The following DPYSL2 variants were observed in gnomAD, a reference collection of about 807,000 sequenced individuals.
DPYSL2 encodes dihydropyrimidinase like 2.
Under a neutral mutation model 69.9 loss-of-function variants are expected in DPYSL2, and 13 were observed. The observed-to-expected ratio is 0.19, with a 90% confidence interval of 0.12 to 0.30. The LOEUF is 0.30. Among genes scored for constraint, DPYSL2 ranks in the 10% least tolerant of loss-of-function variants. DPYSL2 has a pLI of 1.00. For synonymous variants in DPYSL2, 326 were observed against 359.1 expected, an observed-to-expected ratio of 0.91 and a Z score of 1.04; for missense variants, 587 against 918.9, an observed-to-expected ratio of 0.64 and a Z score of 4.67.
intron 1 of DPYSL2, among the ~76,000 whole-genome samples, chr8:26,549,704 G>A (rs1800841483): frequency 6.6e-6 from 1 of 152,154 alleles, no homozygotes; most frequent in Non-Finnish European, 1.5e-5. Flanking sequence ...AGAGGAGCAA[G>A]GATAGTGTTA....
chr8:26,606,686 A>G (rs1380353974), intron 3 of DPYSL2, among the ~76,000 whole-genome samples: 2 of 152,230 alleles, frequency 1.3e-5, no homozygotes. Context: ...TCACTGAGCT[A>G]AGTTTTTATC....
intron 7 of DPYSL2, among the ~76,000 whole-genome samples, chr8:26,633,529 G>A (rs12546828): frequency 0.48 from 73,404 of 151,816 alleles, 19,393 homozygotes; most frequent in East Asian, 0.68. Flanking sequence ...GTGCAGTGGC[G>A]CCATCTCAGC....
Position 26,655,683 on chromosome 8 carries a change from G to A in DPYSL2, c.2011G>A (p.Ala671Thr), listed in dbSNP as rs1803369906. 2 of 1,608,110 alleles carry A rather than the reference G, an allele frequency of 1.2e-6. No individual in the cohort carries two copies. Among genetic ancestry groups the A allele is most frequent in the Admixed American group, 1.7e-5 (1 of 59,968 alleles). The change falls in exon 14 of 14, where the codon GCC becomes ACC. Residue 671 changes from alanine (A) to threonine (T), a missense_variant. Transcript: ENST00000521913. ...QRIVAPPGGR[A>T]NITSLG ...TATCGTGGCGCCCCCCGGTGGCCGT[G>A]CCAACATCACCAGCCTGGGCTAGAG...
chr8:26,558,811 T>C (rs1386500036), intron 1 of DPYSL2, among the ~76,000 whole-genome samples: 1 of 152,230 alleles, frequency 6.6e-6, no homozygotes, highest in Non-Finnish European at 1.5e-5. Context: ...TCCTAATGTA[T>C]AAACTCTGTT....
intron 1 of DPYSL2, among the ~76,000 whole-genome samples, chr8:26,556,161 TATATAC>T (rs1436028772): frequency 2.4e-3 from 5 of 2,100 alleles, no homozygotes; most frequent in Non-Finnish European, 5.3e-3. Flanking sequence ...CTATATATAG[TATATAC>T]TATATATAGT....
chr8:26,584,613 CTTTTTTTT>C (rs35587383), intron 3 of DPYSL2, among the ~76,000 whole-genome samples: 1 of 100,138 alleles, frequency 1.0e-5, no homozygotes, highest in Admixed American at 1.1e-4. Flanking sequence ...GGGCTTTGTG[CTTTTTTTT>C]TTTTTTTTTT....
chr8:26,527,554 T>G (rs1285032715), intron 1 of DPYSL2, among the ~76,000 whole-genome samples: 1 of 152,200 alleles, frequency 6.6e-6, no homozygotes, highest in Non-Finnish European at 1.5e-5. Context: ...CCTTGTCCAA[T>G]TCTTATTTTC....
At chr8:26,567,511 T>C (rs1173486222) in intron 1 of DPYSL2, among the ~76,000 whole-genome samples, 1 of 152,260 alleles carries the variant, frequency 6.6e-6, no homozygotes, top group African/African-American at 2.4e-5. Context: ...ATAGTCTCTG[T>C]CTTCAAGATG....
In DPYSL2 at chr8:26,525,629, A is replaced by G. The variant is rs140893826; in HGVS notation, c.354+10950A>G. Among the ~76,000 whole-genome samples, 496 of 152,340 alleles carry G rather than the reference A, an allele frequency of 3.3e-3. 6 individuals are homozygous for G. Among genetic ancestry groups the G allele is most frequent in the South Asian group, 0.019 (91 of 4,826 alleles). ...GTAGACAGTTTTTCCAATGGCATTT[A>G]TTGAACAATTGATGTTTTTACCACT... On this transcript the variant is annotated intron_variant, in intron 1 of 13. Coordinates refer to ENST00000521913, the MANE Select transcript of DPYSL2 (RefSeq NM_001197293.3).
rs947933667 is a variant in DPYSL2 at position 26,609,703 on chromosome 8, G to A, written c.629-14440G>A. On this transcript the variant is annotated intron_variant, in intron 3 of 13. Coordinates refer to ENST00000521913, the MANE Select transcript of DPYSL2 (RefSeq NM_001197293.3). The surrounding 1 kb of genome is among the most constrained non-coding windows in gnomAD (Gnocchi z 6.5). ...TCGCTGAGCTGGAGCTCCCCAGAGT[G>A]CAGCCTGGCCAGGCAGGGACTGTTG... is the stretch of plus-strand genomic sequence containing the variant. 6.6e-6 allele frequency among the ~76,000 whole-genome samples: 1 copy of A among 152,218 alleles called. No individual in the cohort carries two copies. Among genetic ancestry groups the A allele is most frequent in the African/African-American group, 2.4e-5 (1 of 41,460 alleles).
Position 26,607,494 on chromosome 8 carries a change from A to AG in DPYSL2, c.629-16649_629-16648insG, listed in dbSNP as rs1490715215. On this transcript the variant is annotated intron_variant, in intron 3 of 13. Coordinates refer to ENST00000521913, the MANE Select transcript of DPYSL2 (RefSeq NM_001197293.3). ...TGAGACTCTGTCTCAAAAAAAAAAAAAAAATCATTGTGGGGCTGGGCGTGA... is the reference window on the plus strand; with the variant it reads ...TGAGACTCTGTCTCAAAAAAAAAAAAGAAAATCATTGTGGGGCTGGGCGTGA... 2.1e-3 allele frequency among the ~76,000 whole-genome samples: 293 copies of AG among 137,914 alleles called. No homozygotes were observed. The Middle Eastern group carries it at 0.042, about 20-fold the overall frequency. 90.5% of individuals were successfully genotyped at this position (137,914 alleles called of 152,430 possible). A position where few individuals can be genotyped will look rare whatever the true frequency, so the allele number is the denominator to read the frequency against.
chr8:26,565,473 A>G lies in DPYSL2; in HGVS notation c.355-16496A>G, dbSNP rs6998903. On this transcript the variant is annotated intron_variant, in intron 1 of 13. Transcript: ENST00000521913. This position sits in a 1 kb window ranked among gnomAD's most constrained non-coding sequence, Gnocchi z 4.1. ...CTGTGAATGAAGAGGTTGACTCATC[A>G]CATCTTGATGATGTGGTTAGGGGAT... 0.1 allele frequency among the ~76,000 whole-genome samples: 15,557 copies of G among 152,218 alleles called. 875 individuals are homozygous for G. Among genetic ancestry groups the G allele is most frequent in the Non-Finnish European group, 0.12 (8,229 of 68,010 alleles).
chr8:26,620,532 T>C lies in DPYSL2; in HGVS notation c.629-3611T>C, dbSNP rs898620592. ...CAGATATTAAAATGTATCAAAAAGCTGCTCTATTTAGTACTGATTGAGATG... is the reference window on the plus strand; with the variant it reads ...CAGATATTAAAATGTATCAAAAAGCCGCTCTATTTAGTACTGATTGAGATG... On this transcript the variant is annotated intron_variant, in intron 3 of 13. Transcript: ENST00000521913. This position sits in a 1 kb window ranked among gnomAD's most constrained non-coding sequence, Gnocchi z 4.5. Among the ~76,000 whole-genome samples, 1 of 152,178 alleles carries C rather than the reference T, an allele frequency of 6.6e-6. No individual in the cohort carries two copies. The highest frequency in any genetic ancestry group is 2.4e-5 in the African/African-American group (1 of 41,442).
chr8:26,532,062 A>C (rs1800517880), intron 1 of DPYSL2, among the ~76,000 whole-genome samples: 1 of 152,054 alleles, frequency 6.6e-6, no homozygotes. Flanking sequence ...ATGTTTGTGT[A>C]GAGAGAGGAA....
Position 26,533,049 on chromosome 8 carries a change from CTG to C in DPYSL2, c.354+18372_354+18373del, listed in dbSNP as rs1800537114. 6.6e-6 allele frequency among the ~76,000 whole-genome samples: 1 copy of C among 152,148 alleles called. No individual in the cohort carries two copies. The highest frequency in any genetic ancestry group is 1.5e-5 in the Non-Finnish European group (1 of 68,034). ...CATCCTTGTCTACACTTGTTATTGT[CTG>C]TCTTTTTGATTCCAGCCATCCTACT... On this transcript the variant is annotated intron_variant, in intron 1 of 13. Transcript: ENST00000521913. The surrounding 1 kb of genome is among the most constrained non-coding windows in gnomAD (Gnocchi z 4.8).
At chr8:26,596,260 T>C (rs1369857456) in intron 3 of DPYSL2, among the ~76,000 whole-genome samples, 1 of 152,210 alleles carries the variant, frequency 6.6e-6, no homozygotes, top group Admixed American at 6.5e-5. Context: ...CTTTGCACAG[T>C]TAGATGGGGC....
intron 1 of DPYSL2, among the ~76,000 whole-genome samples, chr8:26,554,853 A>G (rs562508864): frequency 8.5e-5 from 13 of 152,352 alleles, no homozygotes; most frequent in African/African-American, 2.6e-4. Context: ...TCTAATGAAT[A>G]TAAATGTCAA....
chr8:26,655,732 G>C lies in DPYSL2; in HGVS notation c.*26G>C. On this transcript the variant is annotated 3_prime_UTR_variant, in exon 14 of 14. Transcript: ENST00000521913. The stretch of plus-strand genomic sequence containing the variant: ...AGCTCCTGGGCTGTGCCGTCCACTG[G>C]GGACTGGGGATGGGACACCTGAGGA... The C allele has an allele frequency of 6.4e-7, 1 of 1,561,920 alleles. No individual in the cohort carries two copies. The highest frequency in any genetic ancestry group is 8.7e-7 in the Non-Finnish European group (1 of 1,150,436).
chr8:26,544,214 C>T (rs1800728915), intron 1 of DPYSL2, among the ~76,000 whole-genome samples: 5 of 152,124 alleles, frequency 3.3e-5, no homozygotes, highest in Non-Finnish European at 7.4e-5. Context: ...ATGGTATAAA[C>T]ATAGCCAAGT....
Sources: gnomAD v4.1 joint callset for allele counts (sites outside exome capture counted in the v4.1 genomes callset) on GRCh38, gnomAD v4.1.1 for gene constraint, Gnocchi (gnomAD v3.1) non-coding constraint, MANE v1.5 for transcripts, NCBI Gene and HGNC (gene_info 2026-07-23, HGNC 2026-07-21) for gene names.